HECW1: variants seen among roughly 807,000 people sequenced by gnomAD.
HECW1 encodes the protein E3 ubiquitin-protein ligase HECW1.
Under a neutral mutation model 182.3 loss-of-function variants are expected in HECW1, and 61 were observed. That is an observed-to-expected ratio of 0.33 (90% CI 0.27 to 0.41). HECW1 has a LOEUF of 0.41. Ranked by LOEUF, HECW1 falls within the 10% of genes least tolerant of loss-of-function variation. HECW1 has a pLI of 1.00. For missense variants in HECW1, 1,739 were observed against 2,108.9 expected (o/e 0.82, Z 3.44); for synonymous variants, 859 against 832.6 (o/e 1.03, Z -0.55).
At chr7:43,353,116 G>T (rs751170601) in intron 5 of HECW1, among the ~76,000 whole-genome samples, 12 of 151,926 alleles carry the variant, frequency 7.9e-5, no homozygotes, top group Non-Finnish European at 1.6e-4. Context: ...GCTCTACTTC[G>T]TGAAGGACAT....
chr7:43,469,490 G>A (rs560213782), intron 16 of HECW1, among the ~76,000 whole-genome samples: 1 of 152,260 alleles, frequency 6.6e-6, no homozygotes, highest in Non-Finnish European at 1.5e-5. Flanking sequence ...TAACTCTCAG[G>A]GGATGAACTC....
At chr7:43,286,061 C>T (rs968797915) in intron 3 of HECW1, among the ~76,000 whole-genome samples, 4 of 152,000 alleles carry the variant, frequency 2.6e-5, no homozygotes, top group African/African-American at 9.7e-5. Flanking sequence ...GAGAGACCTT[C>T]GAGCCATGTC....
At chr7:43,257,212 G>C (rs987500308) in intron 3 of HECW1, among the ~76,000 whole-genome samples, 1 of 152,188 alleles carries the variant, frequency 6.6e-6, no homozygotes, top group African/African-American at 2.4e-5. Context: ...TTAGTAGTTG[G>C]TCATGAAAGA....
chr7:43,480,273 T>C (rs2078377370), intron 17 of HECW1, among the ~76,000 whole-genome samples: 2 of 152,220 alleles, frequency 1.3e-5, no homozygotes, highest in South Asian at 2.1e-4. Context: ...GTGGCTACCA[T>C]GAAAGGCTAA....
At chr7:43,519,654 G>A (rs775693997) in intron 24 of HECW1, among the ~76,000 whole-genome samples, 3 of 152,058 alleles carry the variant, frequency 2.0e-5, no homozygotes, top group Admixed American at 6.6e-5. Context: ...AATGTCCATC[G>A]GCAGGGGAAT....
At chr7:43,291,179 T>C (rs935745002) in intron 3 of HECW1, among the ~76,000 whole-genome samples, 2 of 152,236 alleles carry the variant, frequency 1.3e-5, no homozygotes, top group African/African-American at 4.8e-5. Flanking sequence ...AGGCAATTTT[T>C]ACTTTCTGCA....
rs772331590 is a variant in HECW1, at chr7:43,396,867, G to A, written c.609G>A (p.Arg203=). ...CCGTCCAAGGACAAGGAAGTCGGAG[G>A]CTGATCAGCTTCTCTCTCTCAGGTA... ...DETVQGQGSR[R]LISFSLSDFQ... is the part of the protein sequence containing the mutation. Residue 203 remains arginine, a synonymous_variant, in exon 7 of 30, where the codon AGG becomes AGA. Coordinates refer to ENST00000395891, the MANE Select transcript of HECW1 (RefSeq NM_015052.5). The A allele has an allele frequency of 5.0e-5, 81 of 1,612,646 alleles. 2 individuals carry two copies. The South Asian group carries it at 8.0e-4, about 16-fold the overall frequency.
chr7:43,327,251 G>T (rs186364190), intron 5 of HECW1, among the ~76,000 whole-genome samples: 4 of 152,262 alleles, frequency 2.6e-5, no homozygotes. Flanking sequence ...TTAGGAAAAA[G>T]TATGACTCCA....
At chr7:43,483,244 GGAAA>G (rs1451666590) in intron 17 of HECW1, among the ~76,000 whole-genome samples, 1 of 152,140 alleles carries the variant, frequency 6.6e-6, no homozygotes, top group Non-Finnish European at 1.5e-5. Context: ...TGAGAGATGG[GGAAA>G]GACTCTTGGC....
At chr7:43,340,175 A>G (rs1461463346) in intron 5 of HECW1, among the ~76,000 whole-genome samples, 1 of 150,850 alleles carries the variant, frequency 6.6e-6, no homozygotes, top group African/African-American at 2.4e-5. Context: ...ATGTGCTGCA[A>G]CTACTCTATC....
intron 6 of HECW1, among the ~76,000 whole-genome samples, chr7:43,363,929 G>T (rs994764538): frequency 6.6e-6 from 1 of 152,132 alleles, no homozygotes; most frequent in Non-Finnish European, 1.5e-5. Flanking sequence ...AACTTTCCGG[G>T]TTAAATAAGC....
chr7:43,534,677 A>G (rs762661103), intron 24 of HECW1, among the ~76,000 whole-genome samples: 1 of 152,246 alleles, frequency 6.6e-6, no homozygotes, highest in Non-Finnish European at 1.5e-5. Flanking sequence ...CTCCACTGGG[A>G]TAAAACCAGA....
intron 2 of HECW1, among the ~76,000 whole-genome samples, chr7:43,201,944 A>T (rs1393947671): frequency 6.6e-6 from 1 of 152,226 alleles, no homozygotes; most frequent in African/African-American, 2.4e-5. Context: ...GTAGAATCAA[A>T]GTCCATTTTA....
rs1323812313 is a variant in HECW1 at position 43,444,898 on chromosome 7, G to A, written c.1726G>A (p.Gly576Ser). The A allele has an allele frequency of 5.0e-6, 8 of 1,602,858 alleles. No individual in the cohort carries two copies. Among genetic ancestry groups the A allele is most frequent in the Non-Finnish European group, 6.8e-6 (8 of 1,173,400 alleles). The change falls in exon 11 of 30, where the codon GGC becomes AGC. Residue 576 changes from glycine to serine, a missense_variant. By Grantham distance (56) the Gly-to-Ser change is moderately conservative. This residue lies in a region of HECW1 where 971 missense variants were observed against 1,029.1 expected (regional missense o/e 0.94). Coordinates refer to ENST00000395891, the MANE Select transcript of HECW1 (RefSeq NM_015052.5). This position sits in a 1 kb window ranked among gnomAD's most constrained non-coding sequence, Gnocchi z 4.3. ...GCACAGCATGCCCTCCGCCCAGGGC[G>A]GCAGCGCGGCAGAGGAGGAGGACGG... Reference protein sequence around the residue: ...LLHSMPSAQGGSAAEEEDGAE... With the variant: ...LLHSMPSAQGSSAAEEEDGAE...
intron 2 of HECW1, among the ~76,000 whole-genome samples, chr7:43,122,904 T>C (rs2152607072): frequency 6.6e-6 from 1 of 152,368 alleles, no homozygotes; most frequent in South Asian, 2.1e-4. Context: ...CAAATCATTT[T>C]CCGTTGCTTA....
At chr7:43,552,576 C>T (rs1015847769) in intron 28 of HECW1, among the ~76,000 whole-genome samples, 1 of 152,198 alleles carries the variant, frequency 6.6e-6, no homozygotes, top group Non-Finnish European at 1.5e-5. Context: ...TCTCACGCCC[C>T]TTTCCCCCAA....
intron 2 of HECW1, among the ~76,000 whole-genome samples, chr7:43,184,117 C>A (rs1025047317): frequency 6.6e-6 from 1 of 152,106 alleles, no homozygotes; most frequent in Non-Finnish European, 1.5e-5. Context: ...GAGTTCACGC[C>A]ATTCTCCTGC....
In HECW1 at chr7:43,499,897, C is replaced by T. The variant is rs866411055; in HGVS notation, c.3438-802C>T. 3.3e-5 allele frequency among the ~76,000 whole-genome samples: 5 copies of T among 152,178 alleles called. No individual in the cohort carries two copies. In the South Asian group the frequency reaches 1.0e-3, roughly 31 times the overall value. On this transcript the variant is annotated intron_variant, in intron 19 of 29. Coordinates refer to ENST00000395891, the MANE Select transcript of HECW1 (RefSeq NM_015052.5). The stretch of plus-strand genomic sequence containing the variant: ...GAGGTTGTCTAAAAGGATCAGAATA[C>T]ACGAGTTGTAGCTGACAGAGACAAA...
At chr7:43,310,575 A>T (rs1808382048) in intron 3 of HECW1, among the ~76,000 whole-genome samples, 1 of 152,154 alleles carries the variant, frequency 6.6e-6, no homozygotes, top group South Asian at 2.1e-4. Flanking sequence ...GAGGACCAAG[A>T]CTCAGAATGC....
Sources: allele counts gnomAD v4.1 joint callset (sites outside exome capture counted in the v4.1 genomes callset), GRCh38; gene constraint gnomAD v4.1.1; regional missense constraint gnomAD v4.1.1; non-coding constraint Gnocchi (gnomAD v3.1); transcripts MANE v1.5; gene names NCBI Gene and HGNC (gene_info 2026-07-23, HGNC 2026-07-21).